PDE3B: variants seen among roughly 807,000 people sequenced by gnomAD.
The protein encoded by PDE3B is phosphodiesterase 3B, also known as cGMP-inhibited 3',5'-cyclic phosphodiesterase 3B.
In PDE3B, 66 loss-of-function variants were observed where a neutral mutation model predicts 116.8. The observed-to-expected ratio is 0.56, with a 90% CI of 0.46 to 0.69. The LOEUF (loss-of-function observed/expected upper bound fraction) is 0.69. Among genes scored for constraint, PDE3B ranks in the 30% least tolerant of loss-of-function variants. The pLI is 0.00. For missense variants in PDE3B, 1,384 were observed against 1,368.1 expected (o/e 1.01, Z -0.18); for synonymous variants, 595 against 533.6 (o/e 1.12, Z -1.59).
At chr11:14,816,625 T>G (rs1859339526) in intron 5 of PDE3B, among the ~76,000 whole-genome samples, 2 of 152,228 alleles carry the variant, frequency 1.3e-5, no homozygotes, top group Non-Finnish European at 2.9e-5. Context: ...CTAGCTTCAT[T>G]GAATTTCAGG....
chr11:14,872,893 G>A (rs1848157603), downstream of PDE3B, among the ~76,000 whole-genome samples: 1 of 152,140 alleles, frequency 6.6e-6, no homozygotes, highest in African/African-American at 2.4e-5. Flanking sequence ...ACATATAAGT[G>A]GACCCATGGA....
intron 4 of PDE3B, among the ~76,000 whole-genome samples, chr11:14,792,427 A>G (rs541884361): frequency 3.3e-5 from 5 of 152,264 alleles, no homozygotes; most frequent in Non-Finnish European, 5.9e-5. Flanking sequence ...GTAATACCCT[A>G]TTTGTGTAAA....
At chr11:14,699,972 CT>C (rs566179740) in intron 1 of PDE3B, among the ~76,000 whole-genome samples, 6 of 151,654 alleles carry the variant, frequency 4.0e-5, no homozygotes, top group Non-Finnish European at 7.4e-5. Context: ...GTATTGAGTG[CT>C]TTTAATGATC....
At chr11:14,728,678 G>C (rs942004732) in intron 1 of PDE3B, among the ~76,000 whole-genome samples, 10 of 151,984 alleles carry the variant, frequency 6.6e-5, no homozygotes, top group Admixed American at 2.0e-4. Flanking sequence ...TCTTACACTT[G>C]TTTTATGGAG....
intron 1 of PDE3B, among the ~76,000 whole-genome samples, chr11:14,721,002 A>G (rs1420133501): frequency 7.6e-6 from 1 of 131,680 alleles, no homozygotes; most frequent in East Asian, 2.3e-4. Context: ...ACAACCTGGG[A>G]GAAAATTTTC....
chr11:14,747,789 G>T (rs570394249), intron 1 of PDE3B, among the ~76,000 whole-genome samples: 1 of 151,988 alleles, frequency 6.6e-6, no homozygotes, highest in African/African-American at 2.4e-5. Context: ...CAAATGATTT[G>T]CAAAAATAAT....
At chr11:14,752,285 C>A (rs1220991839) in intron 1 of PDE3B, among the ~76,000 whole-genome samples, 1 of 152,048 alleles carries the variant, frequency 6.6e-6, no homozygotes, top group Non-Finnish European at 1.5e-5. Context: ...TTGTTCAGAC[C>A]TTTTCAGTTT....
intron 1 of PDE3B, among the ~76,000 whole-genome samples, chr11:14,665,285 T>C (rs1034460377): frequency 6.6e-6 from 1 of 152,224 alleles, no homozygotes. Flanking sequence ...ATAAGAGCTA[T>C]CTATGACAGA....
At chr11:14,755,212 TAAAAC>T (rs1017321527) in intron 1 of PDE3B, among the ~76,000 whole-genome samples, 1 of 152,208 alleles carries the variant, frequency 6.6e-6, no homozygotes, top group African/African-American at 2.4e-5. Flanking sequence ...TGTCAAAAGT[TAAAAC>T]AAGAAGTTAG....
intron 1 of PDE3B, among the ~76,000 whole-genome samples, chr11:14,674,769 TC>T (rs1210740143): frequency 2.0e-5 from 3 of 152,182 alleles, no homozygotes; most frequent in Non-Finnish European, 2.9e-5. Flanking sequence ...GACATCTTGA[TC>T]CTGATTGCAA....
chr11:14,653,827 T>C (rs1853632493), intron 1 of PDE3B, among the ~76,000 whole-genome samples: 3 of 152,104 alleles, frequency 2.0e-5, no homozygotes, highest in African/African-American at 7.2e-5. Flanking sequence ...GGCAAAACCC[T>C]GTCTCTACAA....
At chr11:14,650,365 G>A (rs564317262) in intron 1 of PDE3B, among the ~76,000 whole-genome samples, 1 of 152,070 alleles carries the variant, frequency 6.6e-6, no homozygotes, top group African/African-American at 2.4e-5. Context: ...ATCATGCCCA[G>A]CTAATTTTTG....
chr11:14,693,838 T>TA (rs1277534065), intron 1 of PDE3B, among the ~76,000 whole-genome samples: 1 of 152,206 alleles, frequency 6.6e-6, no homozygotes, highest in African/African-American at 2.4e-5. Flanking sequence ...ATTTCAGAAT[T>TA]ACATCTTATA....
Position 14,654,787 on chromosome 11 carries a change from TACACACACAC to T in PDE3B, c.978+9770_978+9779del, listed in dbSNP as rs59557281. ...TGTTTATATATACACAGCAGCTGTC[TACACACACAC>T]ACACACACACACACACACACACACA... On this transcript the variant is annotated intron_variant, in intron 1 of 15. Coordinates refer to ENST00000282096, the MANE Select transcript of PDE3B (RefSeq NM_000922.4). Among the ~76,000 whole-genome samples, 554 of 142,078 alleles carry T rather than the reference TACACACACAC, an allele frequency of 3.9e-3. 3 individuals carry two copies. Among genetic ancestry groups the T allele is most frequent in the African/African-American group, 0.013 (489 of 38,708 alleles). 93.2% of individuals were successfully genotyped at this position (142,078 alleles called of 152,430 possible).
In PDE3B at chr11:14,867,515, G is replaced by A; in HGVS notation, c.2896G>A (p.Glu966Lys). 1 of 1,613,166 alleles carries A rather than the reference G, an allele frequency of 6.2e-7. No homozygotes were observed. Among genetic ancestry groups the A allele is most frequent in the Non-Finnish European group, 8.5e-7 (1 of 1,179,454 alleles). ...TTTTTAAAATATGCAGGGAGATGAA[G>A]AAGCAAATCTTGGTCTGCCCATCAG... ...VNEFYEQGDE[E>K]ANLGLPISPF... Residue 966 changes from glutamate to lysine, a missense_variant, in exon 15 of 16, where the codon GAA becomes AAA. Transcript: ENST00000282096.
chr11:14,663,299 C>A (rs1249455532), intron 1 of PDE3B, among the ~76,000 whole-genome samples: 1 of 152,128 alleles, frequency 6.6e-6, no homozygotes, highest in Admixed American at 6.5e-5. Context: ...AAAAGAGCTC[C>A]TGAAGGAAGC....
intron 11 of PDE3B, among the ~76,000 whole-genome samples, chr11:14,839,180 C>A (rs1860147770): frequency 6.6e-6 from 1 of 152,196 alleles, no homozygotes; most frequent in Non-Finnish European, 1.5e-5. Flanking sequence ...AGCAGAACCA[C>A]ACCCATTTTC....
At chr11:14,883,241 A>G in the PDE3B span, among the ~76,000 whole-genome samples, 6 of 151,484 alleles carry the variant, frequency 4.0e-5, no homozygotes, top group Non-Finnish European at 7.4e-5. Flanking sequence ...TCCTAAGCCA[A>G]AAGAACAAAG....
At chr11:14,791,368 C>G (rs572968736) in intron 4 of PDE3B, among the ~76,000 whole-genome samples, 1 of 152,160 alleles carries the variant, frequency 6.6e-6, no homozygotes, top group Non-Finnish European at 1.5e-5. Flanking sequence ...TGAGCCTATG[C>G]CTGATACCAG....
Sources: gnomAD v4.1 joint callset for allele counts (sites outside exome capture counted in the v4.1 genomes callset) on GRCh38, gnomAD v4.1.1 for gene constraint, MANE v1.5 for transcripts, NCBI Gene and HGNC (gene_info 2026-07-23, HGNC 2026-07-21) for gene names.